Variants in PPM1N observed in about 807,000 individuals in gnomAD.
PPM1N encodes probable protein phosphatase 1N.
Under a neutral mutation model 32.6 loss-of-function variants are expected in PPM1N, and 35 were observed. The observed-to-expected ratio is 1.07, with a 90% CI of 0.82 to 1.43. The LOEUF is 1.43. Among genes scored for constraint, PPM1N ranks in the 40% most tolerant of loss-of-function variants. The pLI, the probability that PPM1N is intolerant of heterozygous loss-of-function variation, is 0.00. For missense variants in PPM1N, 648 were observed against 606.6 expected (o/e 1.07, Z -0.72); for synonymous variants, 275 against 270.5 (o/e 1.02, Z -0.16).
At chr19:45,499,666 A>T (rs751560568) in intron 1 of PPM1N, 78 of 1,547,874 alleles carry the variant, frequency 5.0e-5, no homozygotes, top group Non-Finnish European at 6.5e-5. Context: ...GAAAGGGGCG[A>T]TTCTGGGTCG....
At position 45,498,857 on chromosome 19, in the gene PPM1N, G is replaced by T; in HGVS notation, c.385G>T (p.Glu129Ter). 1 of 1,524,410 alleles carries T rather than the reference G, an allele frequency of 6.6e-7. No individual in the cohort carries two copies. Among genetic ancestry groups the T allele is most frequent in the Non-Finnish European group, 8.7e-7 (1 of 1,145,618 alleles). 94.4% of individuals were successfully genotyped at this position (1,524,410 alleles called of 1,614,324 possible). Residue 129 changes from glutamate (E) to a stop codon, truncating the protein, a stop_gained, in exon 1 of 5, where the codon GAG becomes TAG. Coordinates refer to ENST00000451287, the MANE Select transcript of PPM1N (RefSeq NM_001080401.2). LOFTEE classifies it high-confidence loss of function. The part of the protein sequence containing the change: ...PGHVLQELGP[E>*]PSEPEGVREA... ...CCATGTGCTCCAGGAGCTGGGCCCGGAGCCTAGCGAGCCCGAGGGCGTGCG... is the reference window on the plus strand; with the variant it reads ...CCATGTGCTCCAGGAGCTGGGCCCGTAGCCTAGCGAGCCCGAGGGCGTGCG...
intron 4 of PPM1N, among the ~76,000 whole-genome samples, chr19:45,501,232 G>A (rs1599921332): frequency 6.6e-6 from 1 of 152,294 alleles, no homozygotes; most frequent in Non-Finnish European, 1.5e-5. Context: ...AGGCCTAGAC[G>A]CACAGCAGAT....
Sources: gnomAD v4.1 joint callset for allele counts (sites outside exome capture counted in the v4.1 genomes callset) on GRCh38, gnomAD v4.1.1 for gene constraint, MANE v1.5 for transcripts, NCBI Gene and HGNC (gene_info 2026-07-23, HGNC 2026-07-21) for gene names.